MRPL34: variants seen among roughly 807,000 people sequenced by gnomAD.
MRPL34 encodes mitochondrial ribosomal protein L34.
Under a neutral mutation model 6.7 loss-of-function variants are expected in MRPL34, and 8 were observed. The ratio of observed to expected loss-of-function variants is 1.20; its 90% CI spans 0.70 to 2.16. The LOEUF (loss-of-function observed/expected upper bound fraction) is 2.16, where lower values mean the gene tolerates loss of function less well. Among genes scored for constraint, MRPL34 ranks in the 30% most tolerant of loss-of-function variants. The pLI is 0.00. For missense variants in MRPL34, 146 were observed against 125.5 expected, an observed-to-expected ratio of 1.16 and a Z score of -0.78; for synonymous variants, 59 against 55.1, an observed-to-expected ratio of 1.07 and a Z score of -0.31.
chr19:17,305,932 A>T lies in MRPL34; in HGVS notation c.40A>T (p.Arg14Trp). ...TGGATCCCTGTTGGGCCCCACGAGT[A>T]GGTCGGCAGCGTTGCTGGGTGGCAG... Reference protein sequence around the residue: ...LAGSLLGPTSRSAALLGGRWL... With the variant: ...LAGSLLGPTSWSAALLGGRWL... Residue 14 changes from arginine (R) to tryptophan (W), a missense_variant, in exon 1 of 2, where the codon AGG becomes TGG. By Grantham distance (101) the Arg-to-Trp change is moderately radical. Transcript: ENST00000252602. The T allele has an allele frequency of 6.2e-7, 1 of 1,614,106 alleles. No homozygotes were observed.
chr19:17,306,240 A>G lies in MRPL34; in HGVS notation c.140A>G (p.Lys47Arg), dbSNP rs1478452807. The change falls in exon 2 of 2, where the codon AAG (lysine) becomes AGG (arginine). Residue 47 changes from lysine (K) to arginine (R), a missense_variant. Lys to Arg is a conservative substitution (Grantham distance 26). Coordinates refer to ENST00000252602, the MANE Select transcript of MRPL34 (RefSeq NM_023937.4). ...CCCACCCCGCAGCAGGCCCGGGGCAAGGCTCGCGGGAATGAGTATCAGCCG... is the reference window on the plus strand; with the variant it reads ...CCCACCCCGCAGCAGGCCCGGGGCAGGGCTCGCGGGAATGAGTATCAGCCG... ...GLPTPQQARG[K>R]ARGNEYQPSN... is the part of the protein sequence containing the mutation. 1.3e-6 allele frequency: 2 copies of G among 1,582,008 alleles called. No homozygotes were observed. Among genetic ancestry groups the G allele is most frequent in the South Asian group, 1.1e-5 (1 of 87,756 alleles).
At position 17,306,489 on chromosome 19, in the gene MRPL34, G is replaced by A. The variant is rs2074149702; in HGVS notation, c.*110G>A. ...GGGAGCAGGAACGCCTCGGACCTGA[G>A]TGCTCTCCATATTGTGGGGTTGAAG... On this transcript the variant is annotated 3_prime_UTR_variant, in exon 2 of 2. Transcript: ENST00000252602. The A allele has an allele frequency of 1.0e-6, 1 of 984,396 alleles. No individual in the cohort carries two copies. The highest frequency in any genetic ancestry group is 1.6e-5 in the African/African-American group (1 of 60,636). 61.0% of individuals were successfully genotyped at this position (984,396 alleles called of 1,614,324 possible). A position where few individuals can be genotyped will look rare whatever the true frequency, so the allele number is the denominator to read the frequency against.
chr19:17,299,344 G>A (rs372827391), upstream of MRPL34, among the ~76,000 whole-genome samples: 6 of 151,034 alleles, frequency 4.0e-5, no homozygotes, highest in African/African-American at 9.8e-5. Context: ...GGCGAATCAC[G>A]AGGTCAGGAG....
rs575814490 is a variant in MRPL34, at chr19:17,295,520, C to T, written c.214+2666C>T. Among the ~76,000 whole-genome samples, 27 of 152,226 alleles carry T rather than the reference C, an allele frequency of 1.8e-4. 1 individual carries two copies. In the South Asian group the frequency reaches 5.4e-3, roughly 30 times the overall value. ...CTCCTGGGTTCAACTGATTCTCCTT[C>T]CTCAGCCTCCCGAGTAGCTGGGAGT... On this transcript the variant is annotated intron_variant, in intron 1 of 2. Transcript: ENST00000595444.
At chr19:17,295,836 T>G (rs1317244650) in intron 1 of MRPL34, among the ~76,000 whole-genome samples, 1 of 152,142 alleles carries the variant, frequency 6.6e-6, no homozygotes, top group Admixed American at 6.5e-5. Context: ...GCCTTCTGAA[T>G]AGCTGGGACT....
chr19:17,299,403 G>T (rs556452279), upstream of MRPL34, among the ~76,000 whole-genome samples: 7 of 151,684 alleles, frequency 4.6e-5, no homozygotes, highest in South Asian at 4.2e-4. Flanking sequence ...GTACTAAAAA[G>T]ACAAAAAATT....
At chr19:17,301,776 TTGTGTG>T (rs10679164), upstream of MRPL34, among the ~76,000 whole-genome samples, 226 of 147,456 alleles carry the variant, frequency 1.5e-3, no homozygotes, top group Middle Eastern at 0.01. Flanking sequence ...ATTTTTTTGT[TTGTGTG>T]TGTGTGTGTG....
intron 1 of MRPL34, chr19:17,294,856 C>A (rs537342843): frequency 7.4e-6 from 12 of 1,611,272 alleles, no homozygotes; most frequent in South Asian, 1.1e-5. Context: ...CTGCCCGGAA[C>A]GGGTGGGGTG....
At chr19:17,301,166 C>G, upstream of MRPL34, 1 of 1,609,472 alleles carries the variant, frequency 6.2e-7, no homozygotes, top group Non-Finnish European at 8.5e-7. Context: ...GGGCGCCTGG[C>G]TCGCCGCCGC....
chr19:17,297,598 G>A (rs1223479118), intron 1 of MRPL34: 1 of 151,900 alleles, frequency 6.6e-6, no homozygotes, highest in Non-Finnish European at 1.5e-5. Flanking sequence ...CCAGCAGGTG[G>A]GTGCTCATTT....
chr19:17,294,481 G>C lies in MRPL34; in HGVS notation c.214+1627G>C, dbSNP rs894626012. The C allele has an allele frequency of 6.2e-7, 1 of 1,614,138 alleles. No individual in the cohort carries two copies. Among genetic ancestry groups the C allele is most frequent in the Non-Finnish European group, 8.5e-7 (1 of 1,180,012 alleles). On this transcript the variant is annotated intron_variant, in intron 1 of 2. Coordinates refer to the MRPL34 transcript ENST00000595444. ...CTCCTTTAACAGCTGCTTCTCCTTG[G>C]CTCCTTGGCGGGCGAAGCCGGCCCT... is the stretch of plus-strand genomic sequence containing the variant.
At chr19:17,294,312 C>T (rs1274850452) in intron 1 of MRPL34, 1 of 1,608,410 alleles carries the variant, frequency 6.2e-7, no homozygotes, top group African/African-American at 1.3e-5. Flanking sequence ...GGTCTTCCTC[C>T]ACCGGCACAA....
chr19:17,293,048 G>A (rs1319320319), intron 1 of MRPL34, among the ~76,000 whole-genome samples: 1 of 151,950 alleles, frequency 6.6e-6, no homozygotes, highest in East Asian at 1.9e-4. Context: ...CATTTATTAA[G>A]TGTCTACAGT....
At chr19:17,299,027 C>T (rs1368222533), upstream of MRPL34, among the ~76,000 whole-genome samples, 1 of 152,170 alleles carries the variant, frequency 6.6e-6, no homozygotes, top group Non-Finnish European at 1.5e-5. Flanking sequence ...CAGGCGTAAG[C>T]CACTGCACCT....
chr19:17,292,760 C>G (rs138521042), exon 1 of MRPL34: 4 of 1,613,786 alleles, frequency 2.5e-6, no homozygotes, highest in South Asian at 1.1e-5. Flanking sequence ...GCGTGTTGAC[C>G]GTCTCAGGGC....
At chr19:17,299,879 T>C (rs532348774), upstream of MRPL34, among the ~76,000 whole-genome samples, 67 of 150,722 alleles carry the variant, frequency 4.4e-4, no homozygotes, top group African/African-American at 1.5e-3. Flanking sequence ...GGATTACAAA[T>C]GTGCACCACC....
upstream of MRPL34, among the ~76,000 whole-genome samples, chr19:17,299,621 G>A (rs996664562): frequency 6.7e-6 from 1 of 150,008 alleles, no homozygotes; most frequent in Non-Finnish European, 1.5e-5. Context: ...TGTAGTCCTA[G>A]CACTTTGGGA....
In MRPL34 at chr19:17,295,090, A is replaced by ATTTTTT. The variant is rs779607230; in HGVS notation, c.214+2257_214+2262dup. Among the ~76,000 whole-genome samples the ATTTTTT allele has an allele frequency of 5.7e-4, 46 of 80,414 alleles. 3 individuals are homozygous for ATTTTTT. Among genetic ancestry groups the ATTTTTT allele is most frequent in the African/African-American group, 1.2e-3 (25 of 20,338 alleles). The allele number at this position is 80,414 out of a possible 152,430, so 52.8% of individuals were successfully genotyped here. On this transcript the variant is annotated intron_variant, in intron 1 of 2. Transcript: ENST00000595444. ...AGGCGCACACCACCACACCCAGGTAATTTTTTTTTTTTTTTTTTTTTTTTT... is the reference window on the plus strand; with the variant it reads ...AGGCGCACACCACCACACCCAGGTAATTTTTTTTTTTTTTTTTTTTTTTTTTTTTTT...
chr19:17,298,493 G>A (rs2145656209), upstream of MRPL34: 1 of 152,256 alleles, frequency 6.6e-6, no homozygotes, highest in South Asian at 2.1e-4. Flanking sequence ...AATGCACAGT[G>A]TTCTCCAGGG....
Sources: allele counts gnomAD v4.1 joint callset (sites outside exome capture counted in the v4.1 genomes callset), GRCh38; gene constraint gnomAD v4.1.1; transcripts MANE v1.5; gene names NCBI Gene and HGNC (gene_info 2026-07-23, HGNC 2026-07-21).